Variants in ZFHX3 observed in about 807,000 individuals in gnomAD.
ZFHX3 encodes the protein zinc finger homeobox 3, also known as zinc finger homeobox protein 3.
A neutral mutation model predicts 279.1 loss-of-function variants in ZFHX3; 42 were observed. The observed-to-expected ratio is 0.15, with a 90% CI of 0.12 to 0.19. ZFHX3 has a LOEUF of 0.19. Ranked by LOEUF, ZFHX3 falls within the 10% of genes least tolerant of loss-of-function variation. The pLI, the probability that ZFHX3 is intolerant of heterozygous loss-of-function variation, is 1.00. For missense variants in ZFHX3, 4,981 were observed against 4,754.0 expected (o/e 1.05, Z -1.40); for synonymous variants, 2,293 against 1,957.8 (o/e 1.17, Z -4.52).
intron 1 of ZFHX3, among the ~76,000 whole-genome samples, chr16:73,045,153 C>A (rs1172710186): frequency 1.3e-5 from 2 of 152,182 alleles, no homozygotes; most frequent in Non-Finnish European, 2.9e-5. Context: ...GCTCCTACCC[C>A]TGAAAGATAC....
intron 2 of ZFHX3, among the ~76,000 whole-genome samples, chr16:73,658,773 A>C (rs2052749524): frequency 6.6e-6 from 1 of 152,218 alleles, no homozygotes; most frequent in South Asian, 2.1e-4. Context: ...CAAAACTATT[A>C]ACTAAGATTT....
chr16:73,034,329 A>T (rs1391641762), intron 1 of ZFHX3, among the ~76,000 whole-genome samples: 1 of 152,110 alleles, frequency 6.6e-6, no homozygotes, highest in African/African-American at 2.4e-5. Context: ...AGGCGAGGGG[A>T]AGTTTCTTGC....
chr16:73,399,170 G>A (rs2017194634), intron 3 of ZFHX3, among the ~76,000 whole-genome samples: 1 of 152,030 alleles, frequency 6.6e-6, no homozygotes, highest in African/African-American at 2.4e-5. Flanking sequence ...GAGCCACTGT[G>A]CCCGGCTGGC....
intron 1 of ZFHX3, among the ~76,000 whole-genome samples, chr16:73,842,053 T>TAAA (rs1346696116): frequency 1.1e-3 from 161 of 143,898 alleles, no homozygotes; most frequent in African/African-American, 4.1e-3. Context: ...GTCTCTACTT[T>TAAA]AAAAAAAAAA....
chr16:73,168,153 C>T (rs1464154020), intron 5 of ZFHX3, among the ~76,000 whole-genome samples: 1 of 152,088 alleles, frequency 6.6e-6, no homozygotes, highest in Non-Finnish European at 1.5e-5. Context: ...TTTCAAAAGA[C>T]TTCTCTATTA....
intron 1 of ZFHX3, among the ~76,000 whole-genome samples, chr16:73,802,514 A>G (rs574477386): frequency 1.3e-5 from 2 of 152,328 alleles, no homozygotes; most frequent in East Asian, 3.9e-4. Flanking sequence ...ATGATAGGAC[A>G]CAAGGTGTTT....
intron 2 of ZFHX3, among the ~76,000 whole-genome samples, chr16:73,467,761 T>C (rs961694619): frequency 1.3e-5 from 2 of 152,230 alleles, no homozygotes; most frequent in African/African-American, 4.8e-5. Flanking sequence ...CTCGTCCTCA[T>C]TGGCCCTGAG....
At chr16:72,956,947 C>G (rs138597440) in intron 2 of ZFHX3, among the ~76,000 whole-genome samples, 3 of 152,048 alleles carry the variant, frequency 2.0e-5, no homozygotes, top group African/African-American at 7.2e-5. Flanking sequence ...ATCTGAATAA[C>G]GTACACTGTG....
Position 72,798,554 on chromosome 16 carries a change from GGCA to G in ZFHX3, c.4125_4127del (p.Ala1376del), listed in dbSNP as rs748169509. On this transcript the variant is annotated inframe_deletion, in exon 9 of 10. Coordinates refer to ENST00000268489, the MANE Select transcript of ZFHX3 (RefSeq NM_006885.4). ...GCACTTCATTAAAATGCGTCTGAAG[GGCA>G]GCAGAAGTTTTGAAAACCTGGTTGC... 7 of 1,613,974 alleles carry G rather than the reference GGCA, an allele frequency of 4.3e-6. No individual in the cohort carries two copies. In the East Asian group the frequency reaches 1.3e-4, roughly 31 times the overall value.
At chr16:72,895,248 C>T (rs955408176) in intron 3 of ZFHX3, among the ~76,000 whole-genome samples, 1 of 152,186 alleles carries the variant, frequency 6.6e-6, no homozygotes, top group African/African-American at 2.4e-5. Context: ...ATAATGAGGG[C>T]ATTCCCCCTT....
chr16:73,461,963 T>G (rs762517200), intron 2 of ZFHX3, among the ~76,000 whole-genome samples: 41 of 152,218 alleles, frequency 2.7e-4, no homozygotes, highest in Non-Finnish European at 4.9e-4. Flanking sequence ...TTGAGGAAAA[T>G]TGACATCTTT....
chr16:73,740,656 G>C (rs2053649009), intron 1 of ZFHX3, among the ~76,000 whole-genome samples: 1 of 152,166 alleles, frequency 6.6e-6, no homozygotes. Flanking sequence ...TACTTTGAAA[G>C]TTACTTCATC....
intron 2 of ZFHX3, among the ~76,000 whole-genome samples, chr16:73,614,804 G>A (rs1382561464): frequency 6.6e-6 from 1 of 151,968 alleles, no homozygotes; most frequent in Non-Finnish European, 1.5e-5. Context: ...CTGTCACCCA[G>A]GCTGAAGTGC....
At chr16:73,143,987 T>A (rs1478065359) in intron 5 of ZFHX3, among the ~76,000 whole-genome samples, 1 of 152,188 alleles carries the variant, frequency 6.6e-6, no homozygotes, top group Non-Finnish European at 1.5e-5. Context: ...AGTCACCCCC[T>A]TGTCGGCCAG....
intron 5 of ZFHX3, among the ~76,000 whole-genome samples, chr16:73,168,211 T>TTTTCTTTTTCTTTCTTTCTTTCTC (rs1555502324): frequency 5.3e-5 from 5 of 95,222 alleles, no homozygotes; most frequent in African/African-American, 1.6e-4. Flanking sequence ...GTTTCTTTTG[T>TTTTCTTTTTCTTTCTTTCTTTCTC]TTTCTTTCTT....
At chr16:73,080,949 C>A (rs1965936127) in intron 8 of ZFHX3, among the ~76,000 whole-genome samples, 1 of 152,164 alleles carries the variant, frequency 6.6e-6, no homozygotes, top group African/African-American at 2.4e-5. Flanking sequence ...ATACTTCTTA[C>A]CAAGCCTGGC....
chr16:73,666,150 G>T (rs1456833998), intron 2 of ZFHX3, among the ~76,000 whole-genome samples: 1 of 151,818 alleles, frequency 6.6e-6, no homozygotes, highest in Non-Finnish European at 1.5e-5. Flanking sequence ...CGACCTGAGT[G>T]GCAGTTTGTG....
intron 4 of ZFHX3, among the ~76,000 whole-genome samples, chr16:73,288,394 C>T (rs1446254337): frequency 6.6e-6 from 1 of 152,140 alleles, no homozygotes; most frequent in Non-Finnish European, 1.5e-5. Context: ...AGGCCAGGTG[C>T]TGAGACCTCC....
chr16:73,041,001 G>T (rs1376896058), intron 1 of ZFHX3, among the ~76,000 whole-genome samples: 2 of 152,228 alleles, frequency 1.3e-5, no homozygotes, highest in Non-Finnish European at 2.9e-5. Flanking sequence ...CATAGCAGAG[G>T]AAAGAGCAGA....
Sources: gnomAD v4.1 joint callset for allele counts (sites outside exome capture counted in the v4.1 genomes callset) on GRCh38, gnomAD v4.1.1 for gene constraint, MANE v1.5 for transcripts, NCBI Gene and HGNC (gene_info 2026-07-23, HGNC 2026-07-21) for gene names.